Variants in SACS observed in about 807,000 individuals in gnomAD.
SACS encodes the protein sacsin.
A neutral mutation model predicts 348.0 loss-of-function variants in SACS; 197 were observed. That is an observed-to-expected ratio of 0.57 (90% CI 0.50 to 0.64). SACS has a LOEUF of 0.64. Ranked by LOEUF, SACS falls within the 30% of genes least tolerant of loss-of-function variation. The pLI is 0.00. For synonymous variants in SACS, 1,985 were observed against 1,910.6 expected (o/e 1.04, Z -1.02); for missense variants, 4,999 against 5,360.8 (o/e 0.93, Z 2.11).
In SACS at chr13:23,339,794, T is replaced by TTCAA; in HGVS notation, c.4078_4081dup (p.Asn1361IlefsTer9). The TTCAA allele has an allele frequency of 1.9e-6, 3 of 1,613,786 alleles. No individual in the cohort carries two copies. The highest frequency in any genetic ancestry group is 2.5e-6 in the Non-Finnish European group (3 of 1,179,804). ...ATTGCTATACAGCCATCTGATAATA[T>TTCAA]TCAACATAAGATGAAGATTTTGTTT... On this transcript the variant is annotated frameshift_variant, in exon 10 of 10. Transcript: ENST00000382292. LOFTEE classifies it high-confidence loss of function.
intron 9 of SACS, among the ~76,000 whole-genome samples, chr13:23,346,043 C>T (rs1356704065): frequency 6.6e-6 from 1 of 152,138 alleles, no homozygotes; most frequent in African/African-American, 2.4e-5. Context: ...CGTCACCAAC[C>T]GTAGCACACT....
At chr13:23,385,994 C>T (rs749369875) in intron 2 of SACS, among the ~76,000 whole-genome samples, 3 of 152,156 alleles carry the variant, frequency 2.0e-5, no homozygotes, top group African/African-American at 7.2e-5. Context: ...TAAAATATTC[C>T]GTAAACCATG....
intron 1 of SACS, among the ~76,000 whole-genome samples, chr13:23,417,357 A>T (rs1165190401): frequency 6.6e-6 from 1 of 152,224 alleles, no homozygotes; most frequent in Non-Finnish European, 1.5e-5. Context: ...ACTACTTAAG[A>T]AGAAGAGGGA....
At chr13:23,428,825 A>G (rs1874301459) in intron 1 of SACS, 1 of 152,218 alleles carries the variant, frequency 6.6e-6, no homozygotes. Flanking sequence ...TCTCCTACTT[A>G]GGTTTATGGA....
At chr13:23,361,306 A>C (rs1870722066) in intron 6 of SACS, among the ~76,000 whole-genome samples, 1 of 152,146 alleles carries the variant, frequency 6.6e-6, no homozygotes, top group East Asian at 1.9e-4. Flanking sequence ...ATCAAGGTAT[A>C]ATTCTGATCA....
At chr13:23,413,690 C>G (rs9510726) in intron 1 of SACS, among the ~76,000 whole-genome samples, 12,975 of 152,264 alleles carry the variant, frequency 0.085, 614 homozygotes, top group East Asian at 0.13. Context: ...TCTGAAAACA[C>G]TTTCCCAGTA....
chr13:23,422,657 T>G (rs1433313657), intron 1 of SACS, among the ~76,000 whole-genome samples: 2 of 97,132 alleles, frequency 2.1e-5, no homozygotes, highest in Non-Finnish European at 4.0e-5. Context: ...TGTGATGTGG[T>G]GTTTCTTTTT....
intron 7 of SACS, among the ~76,000 whole-genome samples, chr13:23,356,616 A>C (rs1192212603): frequency 6.6e-6 from 1 of 152,256 alleles, no homozygotes; most frequent in African/African-American, 2.4e-5. Context: ...AATTGATACC[A>C]GCTGCTTCAC....
chr13:23,359,463 T>C (rs1007555546), intron 6 of SACS, among the ~76,000 whole-genome samples: 1 of 152,332 alleles, frequency 6.6e-6, no homozygotes, highest in South Asian at 2.1e-4. Flanking sequence ...ATTACTTGTA[T>C]GATTTTAAAA....
In SACS at chr13:23,339,970, AG is replaced by A; in HGVS notation, c.3905del (p.Pro1302LeufsTer23). On this transcript the variant is annotated frameshift_variant, in exon 10 of 10. Transcript: ENST00000382292. LOFTEE classifies it high-confidence loss of function. ...TGGTTTTAGGTACATTATGCAAATA[AG>A]GCTGAAGGTCAAGATCATGGATTGG... ...IKPIHDLDLQPYLHNVPKTMA... is the reference protein window; with the variant it reads ...IKPIHDLDLQXYLHNVPKTMA... 1 of 1,613,706 alleles carries A rather than the reference AG, an allele frequency of 6.2e-7. No individual in the cohort carries two copies. The highest frequency in any genetic ancestry group is 8.5e-7 in the Non-Finnish European group (1 of 1,179,864).
chr13:23,339,857 T>C lies in SACS; in HGVS notation c.4019A>G (p.Tyr1340Cys), dbSNP rs1471825874. 2 of 1,613,750 alleles carry C rather than the reference T, an allele frequency of 1.2e-6. No homozygotes were observed. The highest frequency in any genetic ancestry group is 1.1e-5 in the South Asian group (1 of 90,950). Residue 1340 changes from tyrosine (Y) to cysteine (C), a missense_variant, in exon 10 of 10, where the codon TAT becomes TGT. By Grantham distance (194) the Tyr-to-Cys change is radical. Transcript: ENST00000382292. ...ACTGAGATCTTGGTCACTTTTGAGATATATCTTCTGAATAACCATGGAAAT... is the reference window on the plus strand; with the variant it reads ...ACTGAGATCTTGGTCACTTTTGAGACATATCTTCTGAATAACCATGGAAAT... ...DHISMVIQKI[Y>C]LKSDQDLSEQ...
chr13:23,402,780 C>A (rs926210963), intron 2 of SACS, among the ~76,000 whole-genome samples: 1 of 152,106 alleles, frequency 6.6e-6, no homozygotes, highest in African/African-American at 2.4e-5. Flanking sequence ...GGCCCAGGAA[C>A]CTTAGGACCC....
chr13:23,410,694 T>G (rs896755404), intron 2 of SACS, among the ~76,000 whole-genome samples: 2 of 152,116 alleles, frequency 1.3e-5, no homozygotes, highest in East Asian at 3.8e-4. Flanking sequence ...ACTTTTTTTT[T>G]GCACAAATCC....
At chr13:23,371,752 T>G (rs1005724457) in intron 3 of SACS, among the ~76,000 whole-genome samples, 2 of 152,178 alleles carry the variant, frequency 1.3e-5, no homozygotes, top group African/African-American at 4.8e-5. Context: ...TACGTAAGTA[T>G]ACACACAAAT....
chr13:23,399,501 C>G (rs983669921), intron 2 of SACS, among the ~76,000 whole-genome samples: 1 of 152,142 alleles, frequency 6.6e-6, no homozygotes, highest in Non-Finnish European at 1.5e-5. Flanking sequence ...CTGTAATGGA[C>G]AGCCTCTCCC....
chr13:23,340,967 C>T lies in SACS; in HGVS notation c.2909G>A (p.Ser970Asn), dbSNP rs768368596. The change falls in exon 10 of 10, where the codon AGT (serine) becomes AAT (asparagine). Residue 970 changes from serine to asparagine, a missense_variant. By Grantham distance (46) the Ser-to-Asn change is conservative (BLOSUM62 1). Transcript: ENST00000382292. ...LRLSISVIDSSDEATIRLANM... is the reference protein window; with the variant it reads ...LRLSISVIDSNDEATIRLANM... ...TGCCAGACGAATAGTAGCTTCATCA[C>T]TACTGTCTATTACTGAAATAGAAAG... The T allele has an allele frequency of 6.2e-7, 1 of 1,614,142 alleles. No homozygotes were observed. The highest frequency in any genetic ancestry group is 8.5e-7 in the Non-Finnish European group (1 of 1,179,980).
intron 6 of SACS, among the ~76,000 whole-genome samples, chr13:23,359,063 TC>T (rs1258241261): frequency 6.6e-6 from 1 of 151,982 alleles, no homozygotes; most frequent in Non-Finnish European, 1.5e-5. Flanking sequence ...GCGCCTGTAA[TC>T]CCAGCTACTT....
intron 2 of SACS, among the ~76,000 whole-genome samples, chr13:23,409,137 A>G (rs1006807713): frequency 8.1e-5 from 10 of 123,930 alleles, no homozygotes; most frequent in Non-Finnish European, 1.6e-4. Flanking sequence ...ACTGATTGCA[A>G]GCTCCGCCTC....
chr13:23,334,203 C>T lies in SACS; in HGVS notation c.9673G>A (p.Glu3225Lys), dbSNP rs1385652385. The change falls in exon 10 of 10, where the codon GAA becomes AAA. Residue 3225 changes from glutamate (E) to lysine (K), a missense_variant. Physicochemically the swap from Glu to Lys is moderately conservative, Grantham distance 56 (BLOSUM62 1). This residue lies in a region of SACS where 734 missense variants were observed against 694.0 expected (regional missense o/e 1.06). Transcript: ENST00000382292. Reference sequence around the variant, plus strand: ...TTTGTGCAACTTTTGGTCTTATATTCTCGAGGCAACACAGAGGATAACAAA... The same window carrying T: ...TTTGTGCAACTTTTGGTCTTATATTTTCGAGGCAACACAGAGGATAACAAA... ...ADLLSSVLPR[E>K]YKTKSCTKWK... 1 of 1,613,792 alleles carries T rather than the reference C, an allele frequency of 6.2e-7. No individual in the cohort carries two copies. Among genetic ancestry groups the T allele is most frequent in the Non-Finnish European group, 8.5e-7 (1 of 1,179,806 alleles).
Sources: gnomAD v4.1 joint callset for allele counts (sites outside exome capture counted in the v4.1 genomes callset) on GRCh38, gnomAD v4.1.1 for gene constraint, gnomAD v4.1.1 regional missense constraint, MANE v1.5 for transcripts, NCBI Gene and HGNC (gene_info 2026-07-23, HGNC 2026-07-21) for gene names.